FRMPD4: variants seen among roughly 807,000 people sequenced by gnomAD.
The protein encoded by FRMPD4 is FERM and PDZ domain-containing protein 4.
In FRMPD4, 22 loss-of-function variants were observed where a neutral mutation model predicts 94.1. The observed-to-expected ratio is 0.23, with a 90% CI of 0.17 to 0.33. FRMPD4 has a LOEUF of 0.33. FRMPD4 is among the 10% of genes least tolerant of loss of function. The pLI, the probability that FRMPD4 is intolerant of heterozygous loss-of-function variation, is 1.00. For synonymous variants in FRMPD4, 631 were observed against 548.6 expected (o/e 1.15, Z -2.10); for missense variants, 1,111 against 1,339.9 (o/e 0.83, Z 2.67).
At chrX:12,208,196 C>T (rs193136624) in intron 1 of FRMPD4, among the ~76,000 whole-genome samples, 9 of 110,976 alleles carry the variant, frequency 8.1e-5, no homozygotes, top group South Asian at 3.8e-4. Flanking sequence ...GTCTATACAA[C>T]GTATTATCAA....
At chrX:12,526,493 A>G (rs1217780220) in intron 2 of FRMPD4, among the ~76,000 whole-genome samples, 1 of 112,396 alleles carries the variant, frequency 8.9e-6, no homozygotes, top group Non-Finnish European at 1.9e-5. Flanking sequence ...GGAGTGCAGA[A>G]ACTGCTGACT....
intron 3 of FRMPD4, among the ~76,000 whole-genome samples, chrX:12,030,419 G>C (rs777778989): frequency 3.6e-5 from 4 of 111,507 alleles, no homozygotes; most frequent in South Asian, 7.6e-4. Flanking sequence ...TTTTTTTTGT[G>C]GGGGGGAGGT....
upstream of FRMPD4, among the ~76,000 whole-genome samples, chrX:12,137,805 GGTTTTGTTTT>G (rs758814701): frequency 8.9e-6 from 1 of 112,220 alleles, no homozygotes; most frequent in Non-Finnish European, 1.9e-5. Flanking sequence ...TCTCCGGCAA[GGTTTTGTTTT>G]GTTTTGTTTT....
At chrX:12,685,087 G>A (rs2060007553) in intron 6 of FRMPD4, among the ~76,000 whole-genome samples, 1 of 112,214 alleles carries the variant, frequency 8.9e-6, no homozygotes, top group African/African-American at 3.2e-5. Flanking sequence ...GTCCACAGGA[G>A]CAGAAAAGAG....
chrX:12,005,911 C>T (rs1020462054), intron 3 of FRMPD4, among the ~76,000 whole-genome samples: 3 of 111,048 alleles, frequency 2.7e-5, no homozygotes, highest in Non-Finnish European at 1.9e-5. Context: ...TTTTTAGAGA[C>T]GAAATCATTA....
At chrX:11,843,833 C>T (rs192213232) in intron 1 of FRMPD4, among the ~76,000 whole-genome samples, 4 of 111,009 alleles carry the variant, frequency 3.6e-5, no homozygotes, top group Non-Finnish European at 3.8e-5. Flanking sequence ...ATTTCAGGCA[C>T]GAGCCACTGT....
intron 1 of FRMPD4, among the ~76,000 whole-genome samples, chrX:11,841,884 T>A (rs1284682601): frequency 1.3e-4 from 14 of 108,935 alleles, no homozygotes; most frequent in African/African-American, 3.1e-4. Flanking sequence ...GTTTTAGGTC[T>A]AACGTTTAAG....
intron 4 of FRMPD4, among the ~76,000 whole-genome samples, chrX:12,617,890 T>C (rs2059250181): frequency 8.9e-6 from 1 of 111,838 alleles, no homozygotes. Flanking sequence ...TACTCTATTA[T>C]GGAAAATTAT....
At chrX:11,998,743 G>T (rs968201537) in intron 3 of FRMPD4, among the ~76,000 whole-genome samples, 2 of 111,670 alleles carry the variant, frequency 1.8e-5, no homozygotes, top group African/African-American at 6.5e-5. Context: ...CATACTCAGA[G>T]GATAAATTAT....
At chrX:12,302,551 T>C (rs770181453) in intron 1 of FRMPD4, among the ~76,000 whole-genome samples, 2 of 111,163 alleles carry the variant, frequency 1.8e-5, no homozygotes, top group East Asian at 5.7e-4. Flanking sequence ...CTGAGCTCAC[T>C]TGGATGGGGT....
At chrX:12,558,110 G>A (rs2058615864) in intron 2 of FRMPD4, among the ~76,000 whole-genome samples, 1 of 112,378 alleles carries the variant, frequency 8.9e-6, no homozygotes, top group Non-Finnish European at 1.9e-5. Flanking sequence ...AATTACAAAT[G>A]TACAGCATGT....
At chrX:12,581,332 T>A (rs1008954516) in intron 2 of FRMPD4, among the ~76,000 whole-genome samples, 2 of 112,133 alleles carry the variant, frequency 1.8e-5, no homozygotes, top group Non-Finnish European at 3.8e-5. Flanking sequence ...AGAGACCAGG[T>A]GCAGATGAGC....
chrX:12,327,629 G>A lies in FRMPD4; in HGVS notation c.42-171051G>A, dbSNP rs138200741. 5.4e-5 allele frequency among the ~76,000 whole-genome samples: 6 copies of A among 111,343 alleles called. No homozygotes were observed. The East Asian group carries it at 1.4e-3, about 26-fold the overall frequency. On this transcript the variant is annotated intron_variant, in intron 1 of 16. Coordinates refer to ENST00000675598, the MANE Select transcript of FRMPD4 (RefSeq NM_001368397.1). ...CATTTGGTTATTTACTGAATTTGTGGTATGCAAATTTGTAGTTTATTCAAT... is the reference window on the plus strand; with the variant it reads ...CATTTGGTTATTTACTGAATTTGTGATATGCAAATTTGTAGTTTATTCAAT...
intron 3 of FRMPD4, among the ~76,000 whole-genome samples, chrX:12,007,499 C>T (rs1379068653): frequency 3.6e-5 from 4 of 112,339 alleles, no homozygotes; most frequent in African/African-American, 9.7e-5. Flanking sequence ...GACAAGAGCT[C>T]TAAGGCCAGA....
chrX:12,515,437 T>A (rs2058086600), intron 2 of FRMPD4, among the ~76,000 whole-genome samples: 1 of 112,152 alleles, frequency 8.9e-6, no homozygotes, highest in Admixed American at 9.4e-5. Context: ...TCTGCCTTAA[T>A]TTCATTATTT....
At chrX:11,962,463 C>A (rs975057725) in intron 3 of FRMPD4, among the ~76,000 whole-genome samples, 1 of 111,914 alleles carries the variant, frequency 8.9e-6, no homozygotes, top group African/African-American at 3.3e-5. Context: ...TTAACACTAT[C>A]ACATTGGGTA....
chrX:12,667,639 T>C (rs904871292), intron 4 of FRMPD4, among the ~76,000 whole-genome samples: 1 of 112,583 alleles, frequency 8.9e-6, no homozygotes, highest in Non-Finnish European at 1.9e-5. Context: ...CATTGGAAGC[T>C]GGGCTTCTTC....
At chrX:12,002,332 A>T (rs2054528746) in intron 3 of FRMPD4, among the ~76,000 whole-genome samples, 2 of 111,956 alleles carry the variant, frequency 1.8e-5, no homozygotes, top group African/African-American at 6.5e-5. Context: ...AGGCTTTTTC[A>T]TAGGCAGGCA....
intron 3 of FRMPD4, among the ~76,000 whole-genome samples, chrX:11,962,524 G>A (rs1319977786): frequency 2.7e-5 from 3 of 111,925 alleles, no homozygotes; most frequent in Non-Finnish European, 5.6e-5. Context: ...CAAACCAATA[G>A]CAGCTGATGT....
Sources: gnomAD v4.1 joint callset for allele counts (sites outside exome capture counted in the v4.1 genomes callset) on GRCh38, gnomAD v4.1.1 for gene constraint, MANE v1.5 for transcripts, NCBI Gene and HGNC (gene_info 2026-07-23, HGNC 2026-07-21) for gene names.